TRPS1: variants seen among roughly 807,000 people sequenced by gnomAD.
TRPS1 encodes the protein transcriptional repressor GATA binding 1, also known as zinc finger transcription factor Trps1.
Under a neutral mutation model 101.2 loss-of-function variants are expected in TRPS1, and 6 were observed. That is an observed-to-expected ratio of 0.06 (90% CI 0.03 to 0.12). TRPS1 has a LOEUF of 0.12. TRPS1 is among the 10% of genes least tolerant of loss of function. The pLI is 1.00. For synonymous variants in TRPS1, 578 were observed against 589.8 expected, an observed-to-expected ratio of 0.98 and a Z score of 0.29; for missense variants, 1,363 against 1,567.0, an observed-to-expected ratio of 0.87 and a Z score of 2.20.
chr8:115,560,400 T>C (rs560781085), intron 5 of TRPS1, among the ~76,000 whole-genome samples: 2 of 152,218 alleles, frequency 1.3e-5, no homozygotes, highest in South Asian at 4.1e-4. Flanking sequence ...AAAGACTGTT[T>C]TCATAAAATC....
chr8:115,473,753 A>G (rs1423144269), intron 5 of TRPS1, among the ~76,000 whole-genome samples: 1 of 152,208 alleles, frequency 6.6e-6, no homozygotes, highest in Non-Finnish European at 1.5e-5. Flanking sequence ...TCTGAAATAT[A>G]TTAATTACTG....
At chr8:115,650,179 T>G (rs3808472) in intron 1 of TRPS1, among the ~76,000 whole-genome samples, 4 of 152,332 alleles carry the variant, frequency 2.6e-5, no homozygotes, top group Non-Finnish European at 4.4e-5. Flanking sequence ...ACAGTGAAAC[T>G]GTTTCTACTG....
chr8:115,555,537 A>G (rs938804443), intron 5 of TRPS1, among the ~76,000 whole-genome samples: 1 of 151,548 alleles, frequency 6.6e-6, no homozygotes, highest in Non-Finnish European at 1.5e-5. Context: ...CTTCCAGCTG[A>G]CCCATTCCCT....
intron 5 of TRPS1, among the ~76,000 whole-genome samples, chr8:115,422,641 C>T (rs964819026): frequency 2.0e-5 from 3 of 152,174 alleles, no homozygotes; most frequent in Non-Finnish European, 2.9e-5. Context: ...GCTGGGATTA[C>T]AGGTGTGAGC....
intron 1 of TRPS1, among the ~76,000 whole-genome samples, chr8:115,643,254 C>A (rs1818944369): frequency 6.6e-6 from 1 of 152,180 alleles, no homozygotes; most frequent in Admixed American, 6.5e-5. Context: ...AAGCTTCCCA[C>A]ATCAACTGAC....
At chr8:115,502,424 A>G (rs1356316109) in intron 5 of TRPS1, among the ~76,000 whole-genome samples, 1 of 152,164 alleles carries the variant, frequency 6.6e-6, no homozygotes, top group Non-Finnish European at 1.5e-5. Flanking sequence ...TCTTTGATGC[A>G]GGATCCAGGC....
chr8:115,581,182 T>C (rs1817440571), intron 5 of TRPS1, among the ~76,000 whole-genome samples: 1 of 150,582 alleles, frequency 6.6e-6, no homozygotes, highest in Non-Finnish European at 1.5e-5. Context: ...CTCACTTATA[T>C]GTGGAAGCTA....
At position 115,461,032 on chromosome 8, in the gene TRPS1, T is replaced by C. The variant is rs1814154714; in HGVS notation, c.2701-42580A>G. On this transcript the variant is annotated intron_variant, in intron 5 of 6. Coordinates refer to ENST00000395715, the MANE Select transcript of TRPS1 (RefSeq NM_014112.5). ...TTGCCTGAGAGCTTCACGCAAGGTT[T>C]CACAGTCTCACAAACATGACAGTGA... 3.9e-5 allele frequency among the ~76,000 whole-genome samples: 6 copies of C among 152,292 alleles called. No homozygotes were observed. The South Asian group carries it at 1.2e-3, about 32-fold the overall frequency.
At position 115,419,107 on chromosome 8, in the gene TRPS1, T is replaced by C. The variant is rs75994811; in HGVS notation, c.2701-655A>G. Among the ~76,000 whole-genome samples the C allele has an allele frequency of 5.2e-3, 791 of 152,326 alleles. 2 individuals carry two copies. The highest frequency in any genetic ancestry group is 0.01 in the Middle Eastern group (3 of 294). On this transcript the variant is annotated intron_variant, in intron 5 of 6. Coordinates refer to ENST00000395715, the MANE Select transcript of TRPS1 (RefSeq NM_014112.5). ...AGGTGCCCACTTAAGTTAGGCAACA[T>C]AGACCCTTCAATGGCTATTTATTTA... is the stretch of plus-strand genomic sequence containing the variant.
intron 5 of TRPS1, among the ~76,000 whole-genome samples, chr8:115,533,889 T>A (rs1816213509): frequency 6.6e-6 from 1 of 152,142 alleles, no homozygotes; most frequent in African/African-American, 2.4e-5. Flanking sequence ...AGCCCTCTTG[T>A]GTCTCTTCAT....
At chr8:115,449,956 AACACACACAC>A (rs61176190) in intron 5 of TRPS1, among the ~76,000 whole-genome samples, 5 of 147,010 alleles carry the variant, frequency 3.4e-5, no homozygotes, top group Non-Finnish European at 6.0e-5. Flanking sequence ...TATGTGATTT[AACACACACAC>A]ACACACACAC....
At chr8:115,512,513 T>C (rs1047052451) in intron 5 of TRPS1, among the ~76,000 whole-genome samples, 3 of 151,582 alleles carry the variant, frequency 2.0e-5, no homozygotes, top group African/African-American at 7.3e-5. Flanking sequence ...AAATAGAAAA[T>C]TATGCTTCAT....
rs137922431 is a variant in TRPS1 at position 115,583,427 on chromosome 8, C to A, written c.2700+3574G>T. ...AATTTTAAACATGTTAACCTCTTCACAGACCTAAACTTTAAATAAAAACAC... is the reference window on the plus strand; with the variant it reads ...AATTTTAAACATGTTAACCTCTTCAAAGACCTAAACTTTAAATAAAAACAC... On this transcript the variant is annotated intron_variant, in intron 5 of 6. Coordinates refer to ENST00000395715, the MANE Select transcript of TRPS1 (RefSeq NM_014112.5). 2.0e-5 allele frequency among the ~76,000 whole-genome samples: 3 copies of A among 152,180 alleles called. No individual in the cohort carries two copies. In the East Asian group the frequency reaches 5.8e-4, roughly 29 times the overall value.
chr8:115,446,346 A>AC (rs59357089), intron 5 of TRPS1, among the ~76,000 whole-genome samples: 3 of 146,970 alleles, frequency 2.0e-5, no homozygotes, highest in African/African-American at 7.7e-5. Context: ...AAAAAAAAAA[A>AC]CCAACCCAAA....
intron 1 of TRPS1, among the ~76,000 whole-genome samples, chr8:115,630,774 G>C (rs763489296): frequency 6.6e-6 from 1 of 152,032 alleles, no homozygotes; most frequent in Non-Finnish European, 1.5e-5. Context: ...ACATGGAGAA[G>C]TTAAATCGCT....
chr8:115,549,682 A>C (rs1264846737), intron 5 of TRPS1, among the ~76,000 whole-genome samples: 6 of 151,920 alleles, frequency 3.9e-5, no homozygotes, highest in African/African-American at 9.6e-5. Flanking sequence ...AAAAAAAAAA[A>C]AAAAAACGCT....
chr8:115,475,268 A>T (rs1220318429), intron 5 of TRPS1, among the ~76,000 whole-genome samples: 2 of 11,722 alleles, frequency 1.7e-4, no homozygotes, highest in South Asian at 6.8e-3. Context: ...AATCACAGTT[A>T]TATATATATA....
chr8:115,441,504 T>C (rs1164928808), intron 5 of TRPS1, among the ~76,000 whole-genome samples: 1 of 152,196 alleles, frequency 6.6e-6, no homozygotes, highest in Non-Finnish European at 1.5e-5. Context: ...GAGTAGCATA[T>C]ACTTGAACAA....
intron 5 of TRPS1, among the ~76,000 whole-genome samples, chr8:115,586,294 T>C (rs778253792): frequency 3.3e-5 from 5 of 152,192 alleles, no homozygotes; most frequent in Non-Finnish European, 7.3e-5. Context: ...TGAGTCTACA[T>C]AGTATGAAGA....
Sources: gnomAD v4.1 joint callset for allele counts (sites outside exome capture counted in the v4.1 genomes callset) on GRCh38, gnomAD v4.1.1 for gene constraint, MANE v1.5 for transcripts, NCBI Gene and HGNC (gene_info 2026-07-23, HGNC 2026-07-21) for gene names.